Variants in PCCB observed in about 807,000 individuals in gnomAD.
The protein encoded by PCCB is propionyl-CoA carboxylase beta chain, mitochondrial.
Under a neutral mutation model 60.7 loss-of-function variants are expected in PCCB, and 43 were observed. The observed-to-expected ratio is 0.71, with a 90% confidence interval of 0.55 to 0.91. The LOEUF (loss-of-function observed/expected upper bound fraction) is 0.91. Among genes scored for constraint, PCCB ranks in the 40% least tolerant of loss-of-function variants. PCCB has a pLI of 0.00. For synonymous variants in PCCB, 276 were observed against 255.9 expected, an observed-to-expected ratio of 1.08 and a Z score of -0.75; for missense variants, 766 against 702.8, an observed-to-expected ratio of 1.09 and a Z score of -1.02.
At chr3:136,259,224 T>C (rs1400615469) in intron 3 of PCCB, 3 of 1,270,630 alleles carry the variant, frequency 2.4e-6, no homozygotes, top group East Asian at 5.8e-5. Context: ...CTCAGCACTT[T>C]GGGAGGCCGA....
intron 9 of PCCB, among the ~76,000 whole-genome samples, chr3:136,316,228 A>G (rs1026091688): frequency 1.5e-4 from 21 of 141,128 alleles, no homozygotes; most frequent in Admixed American, 1.1e-3. Context: ...TCAAAAAAAG[A>G]AAAAAAAAAA....
chr3:136,266,567 G>A (rs1361642933), intron 5 of PCCB, among the ~76,000 whole-genome samples: 3 of 152,338 alleles, frequency 2.0e-5, no homozygotes, highest in East Asian at 1.9e-4. Flanking sequence ...AATTACAGGC[G>A]TGAGCCACTG....
At chr3:136,286,326 A>G (rs929846343) in intron 6 of PCCB, among the ~76,000 whole-genome samples, 1 of 152,174 alleles carries the variant, frequency 6.6e-6, no homozygotes, top group Non-Finnish European at 1.5e-5. Flanking sequence ...CTCCAGTCTC[A>G]TGACTTTAAA....
At chr3:136,320,030 G>T (rs1300759327) in intron 10 of PCCB, among the ~76,000 whole-genome samples, 2 of 152,268 alleles carry the variant, frequency 1.3e-5, no homozygotes, top group East Asian at 3.9e-4. Flanking sequence ...ATTTGTTTCT[G>T]TATTCTTAAC....
chr3:136,272,567 C>G (rs553366924), intron 5 of PCCB, among the ~76,000 whole-genome samples: 3 of 151,934 alleles, frequency 2.0e-5, no homozygotes, highest in Non-Finnish European at 4.4e-5. Context: ...TCTGTTTCTT[C>G]CTGATTTAGA....
intron 8 of PCCB, among the ~76,000 whole-genome samples, chr3:136,300,373 G>C (rs144877618): frequency 4.6e-5 from 7 of 152,316 alleles, no homozygotes; most frequent in African/African-American, 1.7e-4. Flanking sequence ...AGGAGGGAAT[G>C]AAAGCCTATT....
chr3:136,293,954 A>G (rs770586617), intron 7 of PCCB, 90 bp downstream of exon 7: 174 of 792,120 alleles, frequency 2.2e-4, no homozygotes, highest in Admixed American at 4.3e-4. Flanking sequence ...AAGAAATATT[A>G]CTTAATTGGC....
chr3:136,319,766 C>T (rs1036697393), intron 10 of PCCB, among the ~76,000 whole-genome samples: 1 of 152,038 alleles, frequency 6.6e-6, no homozygotes, highest in Non-Finnish European at 1.5e-5. Context: ...CTTTTGTTGT[C>T]GTATATAAGA....
chr3:136,269,844 C>G (rs1942140800), intron 5 of PCCB, among the ~76,000 whole-genome samples: 2 of 142,046 alleles, frequency 1.4e-5, no homozygotes, highest in African/African-American at 5.3e-5. Context: ...CGAGATCGTG[C>G]TACTGCACTC....
chr3:136,250,970 G>A (rs1941499475), intron 1 of PCCB, among the ~76,000 whole-genome samples: 1 of 152,192 alleles, frequency 6.6e-6, no homozygotes, highest in South Asian at 2.1e-4. Context: ...AAGAGTGATG[G>A]TAGGTTCTTT....
At chr3:136,306,785 A>C (rs918922734) in intron 9 of PCCB, among the ~76,000 whole-genome samples, 10 of 122,550 alleles carry the variant, frequency 8.2e-5, no homozygotes, top group African/African-American at 2.0e-4. Flanking sequence ...ATATAATTGG[A>C]GTGTCTGAAG....
chr3:136,255,790 C>A, intron 1 of PCCB, 66 bp from the exon 2 acceptor site: 1 of 1,435,286 alleles, frequency 7.0e-7, no homozygotes, highest in Non-Finnish European at 9.8e-7. Flanking sequence ...CTCCCATGAA[C>A]AGCCCTTGCT....
chr3:136,328,072 A>C (rs1216943951), intron 13 of PCCB, among the ~76,000 whole-genome samples: 1 of 152,168 alleles, frequency 6.6e-6, no homozygotes, highest in East Asian at 1.9e-4. Context: ...GAAGTATTGG[A>C]CATTCTCCCA....
intron 8 of PCCB, 127 bp downstream of exon 8, chr3:136,298,199 G>T: frequency 1.8e-6 from 2 of 1,113,150 alleles, no homozygotes; most frequent in Non-Finnish European, 2.7e-6. Flanking sequence ...TGGCTCCCAG[G>T]TGTGGGGATG....
intron 9 of PCCB, among the ~76,000 whole-genome samples, chr3:136,313,572 CAG>C (rs1280878412): frequency 6.6e-6 from 1 of 152,036 alleles, no homozygotes; most frequent in Non-Finnish European, 1.5e-5. Flanking sequence ...AGATTAATAA[CAG>C]GGTAGGTGGG....
At chr3:136,311,958 T>A (rs1265690292) in intron 9 of PCCB, among the ~76,000 whole-genome samples, 1 of 152,138 alleles carries the variant, frequency 6.6e-6, no homozygotes, top group Non-Finnish European at 1.5e-5. Flanking sequence ...TATACAAAAG[T>A]GCACATGGAA....
intron 12 of PCCB, 93 bp from the exon 13 acceptor site, chr3:136,327,538 GTTC>G: frequency 1.0e-6 from 1 of 952,938 alleles, no homozygotes; most frequent in East Asian, 2.4e-5. Flanking sequence ...GGCTATTCTT[GTTC>G]TTTGTCCCAA....
At chr3:136,285,979 T>C (rs1403024676) in intron 6 of PCCB, among the ~76,000 whole-genome samples, 1 of 152,172 alleles carries the variant, frequency 6.6e-6, no homozygotes, top group Non-Finnish European at 1.5e-5. Context: ...ATAAAGTTCT[T>C]ATGGGAGGAA....
intron 5 of PCCB, among the ~76,000 whole-genome samples, chr3:136,276,522 C>G (rs773893871): frequency 6.6e-6 from 1 of 152,206 alleles, no homozygotes; most frequent in East Asian, 1.9e-4. Flanking sequence ...TGTTGTTGTT[C>G]CACACAGAGA....
Sources: gnomAD v4.1 joint callset for allele counts (sites outside exome capture counted in the v4.1 genomes callset) on GRCh38, gnomAD v4.1.1 for gene constraint, MANE v1.5 for transcripts, NCBI Gene and HGNC (gene_info 2026-07-23, HGNC 2026-07-21) for gene names.